Variants in NLRP1 observed in about 807,000 individuals in gnomAD.
NLRP1 encodes NACHT, LRR and PYD domains-containing protein 1.
Under a neutral mutation model 136.7 loss-of-function variants are expected in NLRP1, and 94 were observed. That is an observed-to-expected ratio of 0.69 (90% CI 0.58 to 0.82). The LOEUF (loss-of-function observed/expected upper bound fraction) is 0.82. Among genes scored for constraint, NLRP1 ranks in the 40% least tolerant of loss-of-function variants. NLRP1 has a pLI of 0.00. For missense variants in NLRP1, 1,575 were observed against 1,802.7 expected, an observed-to-expected ratio of 0.87 and a Z score of 2.29; for synonymous variants, 690 against 725.1, an observed-to-expected ratio of 0.95 and a Z score of 0.78.
At chr17:5,506,737 CAA>C (rs776202533) in intron 15 of NLRP1, among the ~76,000 whole-genome samples, 2 of 131,500 alleles carry the variant, frequency 1.5e-5, no homozygotes, top group Admixed American at 7.9e-5. Context: ...ACTAAAAATA[CAA>C]AAAAAAAAAA....
chr17:5,537,069 G>A lies in NLRP1; in HGVS notation c.2871-129C>T. The A allele has an allele frequency of 3.0e-6, 2 of 657,342 alleles. No homozygotes were observed. Among genetic ancestry groups the A allele is most frequent in the Non-Finnish European group, 5.6e-6 (2 of 359,374 alleles). The allele number at this position is 657,342 out of a possible 1,614,324, so 40.7% of individuals were successfully genotyped here. On this transcript the variant is annotated intron_variant, in intron 7 of 16. Transcript: ENST00000572272. The surrounding 1 kb of genome is among the most constrained non-coding windows in gnomAD (Gnocchi z 4.5). The stretch of plus-strand genomic sequence containing the variant: ...GCAGGGTGGGTTCCCTGGAAGCCAG[G>A]CTCTGAGGAGGAGGGTACAGTGAGG...
Position 5,533,378 on chromosome 17 carries a change from GC to G in NLRP1, c.3058del (p.Ala1020ArgfsTer15). On this transcript the variant is annotated frameshift_variant, in exon 10 of 17. Coordinates refer to ENST00000572272, the MANE Select transcript of NLRP1 (RefSeq NM_033004.4). LOFTEE classifies it high-confidence loss of function. ...LKRQRLGSER[A>X]ASHVAQANLK... ...ATTAGCCTGAGCAACATGGGAAGCC[GC>G]CCTCTCTACAGAAAAAAGAAAAATA... The G allele has an allele frequency of 8.6e-7, 1 of 1,158,258 alleles. No homozygotes were observed. The highest frequency in any genetic ancestry group is 1.3e-6 in the Non-Finnish European group (1 of 788,852). 71.7% of individuals were successfully genotyped at this position (1,158,258 alleles called of 1,614,324 possible).
chr17:5,543,769 TC>T (rs1318222770), intron 5 of NLRP1, among the ~76,000 whole-genome samples: 1 of 151,878 alleles, frequency 6.6e-6, no homozygotes, highest in Non-Finnish European at 1.5e-5. Flanking sequence ...AGCAGCGACT[TC>T]GGGAGATGTT....
chr17:5,529,602 G>A (rs572341050), intron 12 of NLRP1, among the ~76,000 whole-genome samples: 40 of 152,212 alleles, frequency 2.6e-4, no homozygotes, highest in Middle Eastern at 3.4e-3. Flanking sequence ...TCCTGACCTC[G>A]TGATCCGCCC....
Position 5,583,765 on chromosome 17 carries a change from G to T in NLRP1, c.193C>A (p.Arg65=). ...GTATGGAGGGCTAGGTCCCAGGCCC[G>T]CTGCTCCCCATACTGAGCCACCAGG... ...SYLVAQYGEQ[R]AWDLALHTWE... The change falls in exon 1 of 17, where the codon CGG becomes AGG. Residue 65 remains arginine, a synonymous_variant. Coordinates refer to ENST00000572272, the MANE Select transcript of NLRP1 (RefSeq NM_033004.4). This position sits in a 1 kb window ranked among gnomAD's most constrained non-coding sequence, Gnocchi z 4.5. 5 of 1,553,276 alleles carry T rather than the reference G, an allele frequency of 3.2e-6. No individual in the cohort carries two copies. Among genetic ancestry groups the T allele is most frequent in the Non-Finnish European group, 4.4e-6 (5 of 1,148,010 alleles).
chr17:5,573,116 C>T (rs77076001), intron 3 of NLRP1, among the ~76,000 whole-genome samples: 2 of 152,232 alleles, frequency 1.3e-5, no homozygotes, highest in Non-Finnish European at 2.9e-5. Context: ...GTCACTCCCA[C>T]CCTAATACTG....
chr17:5,560,179 C>T lies in NLRP1; in HGVS notation c.653-136G>A, dbSNP rs150998288. On this transcript the variant is annotated intron_variant, in intron 3 of 16. Transcript: ENST00000572272. Reference sequence around the variant, plus strand: ...CAGACACTGGTATGTTCTTGCCATGCGGCGGAAGGACATGTGCTTTGGGGT... The same window carrying T: ...CAGACACTGGTATGTTCTTGCCATGTGGCGGAAGGACATGTGCTTTGGGGT... 397 of 799,868 alleles carry T rather than the reference C, an allele frequency of 5.0e-4. 1 individual carries two copies. The highest frequency in any genetic ancestry group is 2.7e-3 in the Admixed American group (84 of 31,272). 49.5% of individuals were successfully genotyped at this position (799,868 alleles called of 1,614,324 possible). A position where few individuals can be genotyped will look rare whatever the true frequency, so the allele number is the denominator to read the frequency against.
intron 12 of NLRP1, among the ~76,000 whole-genome samples, chr17:5,525,669 G>A (rs928871888): frequency 1.3e-5 from 2 of 152,232 alleles, no homozygotes; most frequent in African/African-American, 4.8e-5. Context: ...GATAGGGACT[G>A]CCTGGCTTTG....
chr17:5,548,189 C>G lies in NLRP1; in HGVS notation c.2528+5197G>C, dbSNP rs187699439. On this transcript the variant is annotated intron_variant, in intron 5 of 16. Coordinates refer to ENST00000572272, the MANE Select transcript of NLRP1 (RefSeq NM_033004.4). ...TGAAGATCTTGCCTTTTCCAAACATCCAACACCTCAACCCTCACACTCACT... is the reference window on the plus strand; with the variant it reads ...TGAAGATCTTGCCTTTTCCAAACATGCAACACCTCAACCCTCACACTCACT... Among the ~76,000 whole-genome samples, 95 of 152,302 alleles carry G rather than the reference C, an allele frequency of 6.2e-4. 1 individual carries two copies. The highest frequency in any genetic ancestry group is 2.2e-3 in the African/African-American group (93 of 41,562).
At chr17:5,564,256 A>G (rs1237397284) in intron 3 of NLRP1, among the ~76,000 whole-genome samples, 1 of 152,196 alleles carries the variant, frequency 6.6e-6, no homozygotes, top group Non-Finnish European at 1.5e-5. Context: ...ATTATTGACT[A>G]TAGTCACCCT....
exon 16 of NLRP1, chr17:5,501,847 G>T (rs1206313363): frequency 1.9e-6 from 3 of 1,613,988 alleles, no homozygotes; most frequent in Admixed American, 1.7e-5. Flanking sequence ...TGCACCTGAG[G>T]TTCCACGGCT....
chr17:5,550,378 T>A (rs1297707277), intron 5 of NLRP1, among the ~76,000 whole-genome samples: 1 of 152,204 alleles, frequency 6.6e-6, no homozygotes, highest in African/African-American at 2.4e-5. Context: ...TCTCTATTTG[T>A]TATAAGTCTA....
intron 3 of NLRP1, among the ~76,000 whole-genome samples, chr17:5,568,572 G>A (rs1471023436): frequency 6.6e-6 from 1 of 152,038 alleles, no homozygotes; most frequent in East Asian, 1.9e-4. Context: ...GATGCCTTAT[G>A]GTGAGGTCAT....
chr17:5,577,579 A>T (rs1171879649), intron 3 of NLRP1, among the ~76,000 whole-genome samples: 2 of 152,240 alleles, frequency 1.3e-5, no homozygotes, highest in Non-Finnish European at 2.9e-5. Flanking sequence ...TTCAAGGAGA[A>T]CTACAAACCA....
chr17:5,558,218 C>A (rs1719328459), intron 4 of NLRP1, 121 bp downstream of exon 4: 8 of 1,038,866 alleles, frequency 7.7e-6, no homozygotes, highest in Non-Finnish European at 1.1e-5. Flanking sequence ...TCACTGGAGA[C>A]CCTGATCCTT....
Sources: allele counts gnomAD v4.1 joint callset (sites outside exome capture counted in the v4.1 genomes callset), GRCh38; gene constraint gnomAD v4.1.1; non-coding constraint Gnocchi (gnomAD v3.1); transcripts MANE v1.5; gene names NCBI Gene and HGNC (gene_info 2026-07-23, HGNC 2026-07-21).